Variants in PLAGL1 observed in about 807,000 individuals in gnomAD.
PLAGL1 encodes the protein PLAG1 like zinc finger 1, also known as zinc finger protein PLAGL1.
In PLAGL1, 1 loss-of-function variant was observed where a neutral mutation model predicts 4.6. The ratio of observed to expected loss-of-function variants is 0.22; its 90% CI spans 0.08 to 1.03. PLAGL1 has a LOEUF of 1.03. Ranked by LOEUF, PLAGL1 falls within the 50% of genes least tolerant of loss-of-function variation. The pLI, the probability that PLAGL1 is intolerant of heterozygous loss-of-function variation, is 0.58. For synonymous variants in PLAGL1, 240 were observed against 237.8 expected (o/e 1.01, Z -0.08); for missense variants, 464 against 570.4 (o/e 0.81, Z 1.90).
upstream of PLAGL1, among the ~76,000 whole-genome samples, chr6:144,011,849 A>T (rs1292968012): frequency 6.6e-6 from 1 of 152,168 alleles, no homozygotes; most frequent in Non-Finnish European, 1.5e-5. The surrounding 1 kb of genome is among the most constrained non-coding windows in gnomAD (Gnocchi z 4.3). Context: ...GTTTCAGTTC[A>T]TTTGCTCAGT....
At chr6:144,025,715 C>G (rs1189446148) in intron 1 of PLAGL1, among the ~76,000 whole-genome samples, 2 of 151,880 alleles carry the variant, frequency 1.3e-5, no homozygotes, top group Non-Finnish European at 2.9e-5. Context: ...TATGGTGAAA[C>G]CTTGTCTCTA....
intron 1 of PLAGL1, among the ~76,000 whole-genome samples, chr6:144,041,147 A>G (rs564206873): frequency 4.5e-4 from 69 of 152,242 alleles, no homozygotes; most frequent in African/African-American, 1.5e-3. Flanking sequence ...GTAAAAGCTA[A>G]TATTTATTGA....
intron 1 of PLAGL1, among the ~76,000 whole-genome samples, chr6:144,032,565 G>C (rs1221843326): frequency 6.6e-6 from 1 of 151,884 alleles, no homozygotes; most frequent in Non-Finnish European, 1.5e-5. Context: ...TTGGGGTTTT[G>C]TTTGTTTGTT....
chr6:144,041,359 T>G (rs149353670), intron 1 of PLAGL1, among the ~76,000 whole-genome samples: 1 of 149,056 alleles, frequency 6.7e-6, no homozygotes, highest in Non-Finnish European at 1.5e-5. Flanking sequence ...CAGGCCCCAG[T>G]GTATGATGTT....
At chr6:144,044,713 A>C (rs1216448302) in intron 1 of PLAGL1, among the ~76,000 whole-genome samples, 2 of 152,206 alleles carry the variant, frequency 1.3e-5, no homozygotes, top group Admixed American at 1.3e-4. Flanking sequence ...AGCTGAGTCC[A>C]AGTCCTGGAT....
intron 1 of PLAGL1, among the ~76,000 whole-genome samples, chr6:143,993,941 G>A (rs897123848): frequency 2.0e-5 from 3 of 151,734 alleles, no homozygotes; most frequent in African/African-American, 7.3e-5. Context: ...GTCTTAAAAC[G>A]ATCCTTTGGC....
In PLAGL1 at chr6:143,972,035, T is replaced by G. The variant is rs939029392; in HGVS notation, c.-543-3057A>C. ...GCTAAAGCAAAAAAGGGCATAATAG[T>G]TCTCTGCAGAGGAAGAATTTTAAAA... On this transcript the variant is annotated intron_variant, in intron 2 of 7. Coordinates refer to ENST00000674357, the MANE Select transcript of PLAGL1 (RefSeq NM_001317162.2). The surrounding 1 kb of genome is among the most constrained non-coding windows in gnomAD (Gnocchi z 6.8). Among the ~76,000 whole-genome samples the G allele has an allele frequency of 2.6e-5, 4 of 152,226 alleles. No homozygotes were observed. The highest frequency in any genetic ancestry group is 5.9e-5 in the Non-Finnish European group (4 of 68,046).
Position 144,006,674 on chromosome 6 carries a change from T to C in PLAGL1, c.-584+1416A>G, listed in dbSNP as rs1445601898. The C allele has an allele frequency of 6.6e-6, 1 of 152,116 alleles. No individual in the cohort carries two copies. Among genetic ancestry groups the C allele is most frequent in the Non-Finnish European group, 1.5e-5 (1 of 68,024 alleles). The allele number at this position is 152,116 out of a possible 1,614,324, so 9.4% of individuals were successfully genotyped here. A position where few individuals can be genotyped will look rare whatever the true frequency, so the allele number is the denominator to read the frequency against. ...GTGTGCCCTTTTTATGAGTGGTGTA[T>C]AATTTATCTTTCTCCTTCAGGTAGG... On this transcript the variant is annotated intron_variant, in intron 1 of 7. Transcript: ENST00000674357. The surrounding 1 kb of genome is among the most constrained non-coding windows in gnomAD (Gnocchi z 4.3).
rs1431920572 is a variant in PLAGL1, at chr6:144,059,720, C to T, written c.-151+4748G>A. Among the ~76,000 whole-genome samples the T allele has an allele frequency of 1.3e-5, 2 of 152,226 alleles. No individual in the cohort carries two copies. Among genetic ancestry groups the T allele is most frequent in the Non-Finnish European group, 2.9e-5 (2 of 68,040 alleles). The stretch of plus-strand genomic sequence containing the variant: ...TATTGTGAATTTAAGGGAGTCTTGT[C>T]ACTGGCTGCATTAAGCTTTGTCTTG... On this transcript the variant is annotated intron_variant, in intron 1 of 3. Transcript: ENST00000437412. The surrounding 1 kb of genome is among the most constrained non-coding windows in gnomAD (Gnocchi z 4.9).
intron 1 of PLAGL1, among the ~76,000 whole-genome samples, chr6:144,043,651 G>A (rs1033806246): frequency 1.8e-4 from 28 of 151,764 alleles, no homozygotes; most frequent in African/African-American, 6.8e-4. Flanking sequence ...TTTTTGTTGT[G>A]TCTCTGCTAG....
chr6:144,031,323 T>C (rs1796812247), intron 1 of PLAGL1, among the ~76,000 whole-genome samples: 1 of 152,222 alleles, frequency 6.6e-6, no homozygotes, highest in South Asian at 2.1e-4. Context: ...GCTAATTGTT[T>C]CTTTTGCTAT....
At chr6:143,956,022 A>C (rs1371544117) in intron 6 of PLAGL1, among the ~76,000 whole-genome samples, 1 of 152,240 alleles carries the variant, frequency 6.6e-6, no homozygotes, top group East Asian at 1.9e-4. Context: ...CCTAATGGGC[A>C]TTCGGGCCAG....
rs980527326 is a variant in PLAGL1 at position 144,053,952 on chromosome 6, C to T, written c.-151+10516G>A. ...GTCAAAGTACATACCAAGAAGAACA[C>T]CATCAACTTCAAAATCCATCAGGAA... On this transcript the variant is annotated intron_variant, in intron 1 of 3. Transcript: ENST00000437412. This position sits in a 1 kb window ranked among gnomAD's most constrained non-coding sequence, Gnocchi z 4.0. Among the ~76,000 whole-genome samples, 2 of 152,126 alleles carry T rather than the reference C, an allele frequency of 1.3e-5. No individual in the cohort carries two copies. Among genetic ancestry groups the T allele is most frequent in the African/African-American group, 4.8e-5 (2 of 41,424 alleles).
rs571215840 is a variant in PLAGL1, at chr6:143,970,760, T to C, written c.-543-1782A>G. Among the ~76,000 whole-genome samples the C allele has an allele frequency of 1.5e-3, 229 of 152,332 alleles. No individual in the cohort carries two copies. Among genetic ancestry groups the C allele is most frequent in the African/African-American group, 5.2e-3 (215 of 41,584 alleles). On this transcript the variant is annotated intron_variant, in intron 2 of 7. Coordinates refer to ENST00000674357, the MANE Select transcript of PLAGL1 (RefSeq NM_001317162.2). The surrounding 1 kb of genome is among the most constrained non-coding windows in gnomAD (Gnocchi z 5.8). The stretch of plus-strand genomic sequence containing the variant: ...CTCTTAAGTTACTTGAAATTCTTCT[T>C]CTTGGATATTACAGCAGTCTTCAGT...
Position 143,942,459 on chromosome 6 carries a change from G to A in PLAGL1, c.357C>T (p.Asp119=), listed in dbSNP as rs1426047136. The A allele has an allele frequency of 3.7e-6, 6 of 1,614,154 alleles. No individual in the cohort carries two copies. Among genetic ancestry groups the A allele is most frequent in the South Asian group, 1.1e-5 (1 of 91,078 alleles). ...HLALHAASSG[D]LTCGVCALEL... is the part of the protein sequence containing the mutation. The stretch of plus-strand genomic sequence containing the variant: ...CCAGGGCACAGACCCCACAGGTGAG[G>A]TCCCCACTGCTGGCCGCATGGAGGG... Residue 119 remains aspartate, a synonymous_variant, in exon 8 of 8, where the codon GAC becomes GAT. Transcript: ENST00000674357. The surrounding 1 kb of genome is among the most constrained non-coding windows in gnomAD (Gnocchi z 7.6).
chr6:143,941,396 A>T lies in PLAGL1; in HGVS notation c.*28T>A. The T allele has an allele frequency of 6.8e-7, 1 of 1,477,476 alleles. No individual in the cohort carries two copies. The allele number at this position is 1,477,476 out of a possible 1,614,324, so 91.5% of individuals were successfully genotyped here. On this transcript the variant is annotated 3_prime_UTR_variant, in exon 8 of 8. Coordinates refer to ENST00000674357, the MANE Select transcript of PLAGL1 (RefSeq NM_001317162.2). This position sits in a 1 kb window ranked among gnomAD's most constrained non-coding sequence, Gnocchi z 6.0. ...AAATGCTTCTTAAAACATCTTCCAG[A>T]ATACGAAAAATACACTTTAAAAATC... is the stretch of plus-strand genomic sequence containing the variant.
At chr6:143,998,725 T>C (rs1285394001) in intron 1 of PLAGL1, among the ~76,000 whole-genome samples, 1 of 151,590 alleles carries the variant, frequency 6.6e-6, no homozygotes, top group Non-Finnish European at 1.5e-5. Context: ...GGTTGTAGAG[T>C]GAGTATTCTC....
At position 143,958,527 on chromosome 6, in the gene PLAGL1, G is replaced by GCTAGGT; in HGVS notation, c.-325+1941_-325+1942insACCTAG. Reference sequence around the variant, plus strand: ...ACTTCCTCCAGAAGCATGCCTGTCTGCCTCTCGGGACACAGGCCGTACTTT... The same window carrying GCTAGGT: ...ACTTCCTCCAGAAGCATGCCTGTCTGCTAGGTCCTCTCGGGACACAGGCCGTACTTT... On this transcript the variant is annotated intron_variant, in intron 6 of 7. Coordinates refer to ENST00000674357, the MANE Select transcript of PLAGL1 (RefSeq NM_001317162.2). This position sits in a 1 kb window ranked among gnomAD's most constrained non-coding sequence, Gnocchi z 5.1. Among the ~76,000 whole-genome samples the GCTAGGT allele has an allele frequency of 6.6e-6, 1 of 152,158 alleles. No homozygotes were observed. The highest frequency in any genetic ancestry group is 2.1e-4 in the South Asian group (1 of 4,820).
Position 143,957,078 on chromosome 6 carries a change from G to T in PLAGL1, c.-325+3391C>A, listed in dbSNP as rs1262014918. On this transcript the variant is annotated intron_variant, in intron 6 of 7. Coordinates refer to ENST00000674357, the MANE Select transcript of PLAGL1 (RefSeq NM_001317162.2). This position sits in a 1 kb window ranked among gnomAD's most constrained non-coding sequence, Gnocchi z 4.2. ...GGAACGGAGGAAAAGAAATATTGTT[G>T]CAGACTCTTGGATCTTTGACAGGCC... Among the ~76,000 whole-genome samples, 4 of 152,246 alleles carry T rather than the reference G, an allele frequency of 2.6e-5. No homozygotes were observed. Among genetic ancestry groups the T allele is most frequent in the African/African-American group, 9.6e-5 (4 of 41,472 alleles).
Sources: allele counts gnomAD v4.1 joint callset (sites outside exome capture counted in the v4.1 genomes callset), GRCh38; gene constraint gnomAD v4.1.1; non-coding constraint Gnocchi (gnomAD v3.1); transcripts MANE v1.5; gene names NCBI Gene and HGNC (gene_info 2026-07-23, HGNC 2026-07-21).